Variants in ZNF721 observed in about 807,000 individuals in gnomAD.
ZNF721 encodes the protein zinc finger protein 721.
A neutral mutation model predicts 2.4 loss-of-function variants in ZNF721; 2 were observed. The ratio of observed to expected loss-of-function variants is 0.82; its 90% confidence interval spans 0.34 to 2.58. ZNF721 has a LOEUF of 2.58. ZNF721 is among the 30% of genes most tolerant of loss of function. The pLI, the probability that ZNF721 is intolerant of heterozygous loss-of-function variation, is 0.11. For synonymous variants in ZNF721, 398 were observed against 381.8 expected, an observed-to-expected ratio of 1.04 and a Z score of -0.50; for missense variants, 1,187 against 1,085.5, an observed-to-expected ratio of 1.09 and a Z score of -1.31.
intron 1 of ZNF721, among the ~76,000 whole-genome samples, chr4:476,765 T>A (rs1715632839): frequency 6.6e-6 from 1 of 152,180 alleles, no homozygotes; most frequent in Admixed American, 6.5e-5. Flanking sequence ...GCAATTTGAT[T>A]CTCTCATGGT....
chr4:455,425 G>C (rs1553865301), intron 2 of ZNF721, among the ~76,000 whole-genome samples: 1 of 152,062 alleles, frequency 6.6e-6, no homozygotes, highest in Non-Finnish European at 1.5e-5. Context: ...AAATTAGCTG[G>C]ACATGGTAGT....
chr4:484,528 C>A (rs1353023366), intron 1 of ZNF721, among the ~76,000 whole-genome samples: 1 of 152,200 alleles, frequency 6.6e-6, no homozygotes, highest in Non-Finnish European at 1.5e-5. Flanking sequence ...CAAGGAACGT[C>A]CCTGAGAAGG....
In ZNF721 at chr4:450,954, AAAATATATATATATATATAT is replaced by A. The variant is rs1358124846; in HGVS notation, c.35-6542_35-6523del. ...TCTGTCTCCAAAAAAAAAAAAAAAA[AAAATATATATATATATATAT>A]ATATATATATATATATATATATCCC... On this transcript the variant is annotated intron_variant, in intron 2 of 2. Transcript: ENST00000511833. Among the ~76,000 whole-genome samples the A allele has an allele frequency of 7.6e-3, 294 of 38,650 alleles. 10 individuals carry two copies. The highest frequency in any genetic ancestry group is 0.047 in the African/African-American group (278 of 5,912). The allele number at this position is 38,650 out of a possible 152,430, so 25.4% of individuals were successfully genotyped here.
intron 1 of ZNF721, among the ~76,000 whole-genome samples, chr4:493,873 G>C (rs1156871752): frequency 2.0e-5 from 3 of 152,064 alleles, no homozygotes; most frequent in Non-Finnish European, 4.4e-5. Flanking sequence ...GTATTTGGCA[G>C]GGATAATTAT....
Position 442,305 on chromosome 4 carries a change from C to T in ZNF721, c.2162G>A (p.Arg721Lys). Reference protein sequence around the residue: ...NLTTHRRVHTREKPYKCEDRG... With the variant: ...NLTTHRRVHTKEKPYKCEDRG... ...ATCTTCACATTTGTAGGGTTTCTCC[C>T]TAGTGTGAACTCTCCTATGTGTAGT... is the stretch of plus-strand genomic sequence containing the variant. The change falls in exon 3 of 3, where the codon AGG becomes AAG. Residue 721 changes from arginine (R) to lysine (K), a missense_variant. Physicochemically the swap from Arg to Lys is conservative, Grantham distance 26. Coordinates refer to ENST00000511833, the MANE Select transcript of ZNF721 (RefSeq NM_133474.4). The T allele has an allele frequency of 6.2e-7, 1 of 1,613,348 alleles. No individual in the cohort carries two copies. The highest frequency in any genetic ancestry group is 8.5e-7 in the Non-Finnish European group (1 of 1,179,462).
intron 2 of ZNF721, among the ~76,000 whole-genome samples, chr4:450,420 A>G (rs1354513579): frequency 1.3e-5 from 2 of 152,244 alleles, no homozygotes; most frequent in Non-Finnish European, 2.9e-5. Flanking sequence ...AAACAGATAC[A>G]CTGAGACAAA....
rs782780696 is a variant in ZNF721, at chr4:443,221, G to C, written c.1246C>G (p.Pro416Ala). ...AHKRIHTREK[P>A]YTCEDRGRAF... ...CTGCCACGATCTTCACATGTGTAGG[G>C]TTTCTCTCTGGTGTGAATTCTCTTA... The change falls in exon 3 of 3, where the codon CCC becomes GCC. Residue 416 changes from proline (P) to alanine (A), a missense_variant. Pro to Ala is a conservative substitution (Grantham distance 27). Transcript: ENST00000511833. 5 of 1,613,904 alleles carry C rather than the reference G, an allele frequency of 3.1e-6. No individual in the cohort carries two copies. The highest frequency in any genetic ancestry group is 4.2e-6 in the Non-Finnish European group (5 of 1,179,924).
intron 2 of ZNF721, among the ~76,000 whole-genome samples, chr4:469,831 T>A (rs1715375426): frequency 6.6e-6 from 1 of 152,164 alleles, no homozygotes; most frequent in Non-Finnish European, 1.5e-5. Flanking sequence ...GAAATTATAG[T>A]CTTGTCAATA....
chr4:490,479 A>T (rs1715993133), intron 1 of ZNF721, among the ~76,000 whole-genome samples: 1 of 152,016 alleles, frequency 6.6e-6, no homozygotes, highest in South Asian at 2.1e-4. Context: ...AAAAAATAAA[A>T]ATAAAAATAA....
At position 441,772 on chromosome 4, in the gene ZNF721, C is replaced by A; in HGVS notation, c.2695G>T (p.Gly899Cys). 6.2e-7 allele frequency: 1 copy of A among 1,612,898 alleles called. No individual in the cohort carries two copies. Residue 899 changes from glycine to cysteine, a missense_variant, in exon 3 of 3, where the codon GGC (glycine) becomes TGC (cysteine). Transcript: ENST00000511833. ...GEKPYTCGDCGKTFRQSANLY... is the reference protein window; with the variant it reads ...GEKPYTCGDCCKTFRQSANLY... ...TTTGCAGACTGTCTAAAGGTTTTGC[C>A]ACAGTCTCCACACGTGTAGGGTTTC... is the stretch of plus-strand genomic sequence containing the variant.
intron 2 of ZNF721, among the ~76,000 whole-genome samples, chr4:463,116 A>T (rs1715120904): frequency 6.6e-6 from 1 of 152,238 alleles, no homozygotes; most frequent in Admixed American, 6.5e-5. Context: ...GACAGTTCTC[A>T]AAAGAAGACA....
At position 442,234 on chromosome 4, in the gene ZNF721, T is replaced by C. The variant is rs1553863300; in HGVS notation, c.2233A>G (p.Lys745Glu). The C allele has an allele frequency of 6.2e-7, 1 of 1,613,306 alleles. No homozygotes were observed. Among genetic ancestry groups the C allele is most frequent in the Non-Finnish European group, 8.5e-7 (1 of 1,179,470 alleles). ...GWSTNLNEYK[K>E]IHTGDKLYKC... ...TAGAGTTTATCTCCAGTATGAATTT[T>C]CTTATATTCGTTCAGGTTTGTGGAC... The change falls in exon 3 of 3, where the codon AAA (lysine) becomes GAA (glutamate). Residue 745 changes from lysine (K) to glutamate (E), a missense_variant. By Grantham distance (56) the Lys-to-Glu change is moderately conservative. Transcript: ENST00000511833.
intron 1 of ZNF721, among the ~76,000 whole-genome samples, chr4:477,740 CAG>C (rs1354103365): frequency 3.3e-5 from 5 of 152,072 alleles, no homozygotes; most frequent in African/African-American, 7.2e-5. Context: ...TAAATTTGAG[CAG>C]AGAGGAGGGG....
At chr4:495,115 C>T (rs1716116568) in intron 1 of ZNF721, among the ~76,000 whole-genome samples, 1 of 151,950 alleles carries the variant, frequency 6.6e-6, no homozygotes, top group African/African-American at 2.4e-5. Context: ...ATCTCCTGAC[C>T]TCGTGATCCG....
chr4:444,570 A>G (rs1297940838), intron 2 of ZNF721, 138 bp from the exon 3 acceptor site: 9 of 901,970 alleles, frequency 1.0e-5, no homozygotes, highest in Non-Finnish European at 1.5e-5. Context: ...TCACATATAC[A>G]TGTAACAAAC....
rs1239894515 is a variant in ZNF721 at position 441,571 on chromosome 4, T to C, written c.*124A>G. 1 of 770,084 alleles carries C rather than the reference T, an allele frequency of 1.3e-6. No homozygotes were observed. Among genetic ancestry groups the C allele is most frequent in the Non-Finnish European group, 2.0e-6 (1 of 493,440 alleles). 47.7% of individuals were successfully genotyped at this position (770,084 alleles called of 1,614,324 possible). A position where few individuals can be genotyped will look rare whatever the true frequency, so the allele number is the denominator to read the frequency against. Reference sequence around the variant, plus strand: ...CTCTTCATTATGAATTATCTTATGATTAGAAAGGATTGAGGAGCATTTAAA... The same window carrying C: ...CTCTTCATTATGAATTATCTTATGACTAGAAAGGATTGAGGAGCATTTAAA... On this transcript the variant is annotated 3_prime_UTR_variant, in exon 3 of 3. Transcript: ENST00000511833.
chr4:474,346 G>A (rs947160564), intron 1 of ZNF721, among the ~76,000 whole-genome samples: 1 of 152,074 alleles, frequency 6.6e-6, no homozygotes, highest in Non-Finnish European at 1.5e-5. Context: ...TTCAGGCGGC[G>A]CTTAATCTCT....
intron 2 of ZNF721, among the ~76,000 whole-genome samples, chr4:446,381 CTTT>C (rs1358256623): frequency 3.7e-5 from 5 of 135,026 alleles, no homozygotes; most frequent in Admixed American, 1.5e-4. Context: ...AGGAAGTTTT[CTTT>C]TTTTTTTTTT....
intron 2 of ZNF721, among the ~76,000 whole-genome samples, chr4:463,268 G>A (rs1465028661): frequency 6.6e-6 from 1 of 152,220 alleles, no homozygotes; most frequent in African/African-American, 2.4e-5. Context: ...AGGTGCTGGA[G>A]AGGATGTGGA....
Sources: allele counts gnomAD v4.1 joint callset (sites outside exome capture counted in the v4.1 genomes callset), GRCh38; gene constraint gnomAD v4.1.1; transcripts MANE v1.5; gene names NCBI Gene and HGNC (gene_info 2026-07-23, HGNC 2026-07-21).